Variants in CELF2 observed in about 807,000 individuals in gnomAD.
The protein encoded by CELF2 is CUGBP Elav-like family member 2.
Under a neutral mutation model 62.6 loss-of-function variants are expected in CELF2, and 8 were observed. That is an observed-to-expected ratio of 0.13 (90% CI 0.07 to 0.23). The LOEUF (loss-of-function observed/expected upper bound fraction) is 0.23, where lower values mean the gene tolerates loss of function less well. Ranked by LOEUF, CELF2 falls within the 10% of genes least tolerant of loss-of-function variation. The pLI, the probability that CELF2 is intolerant of heterozygous loss-of-function variation, is 1.00. For missense variants in CELF2, 333 were observed against 671.0 expected, an observed-to-expected ratio of 0.50 and a Z score of 5.56; for synonymous variants, 258 against 250.0, an observed-to-expected ratio of 1.03 and a Z score of -0.30.
the CELF2 span, among the ~76,000 whole-genome samples, chr10:10,547,521 T>TA: frequency 0.016 from 2,427 of 152,184 alleles, 67 homozygotes; most frequent in African/African-American, 0.056. Context: ...CCTTAAGGTG[T>TA]ATTTAATCAT....
chr10:10,768,046 G>C, the CELF2 span, among the ~76,000 whole-genome samples: 4 of 145,124 alleles, frequency 2.8e-5, no homozygotes, highest in South Asian at 9.1e-4. Context: ...GGCGCCTGTA[G>C]TCCCAGCTGC....
At chr10:10,877,506 G>A (rs141350982) in intron 1 of CELF2, among the ~76,000 whole-genome samples, 2,125 of 152,358 alleles carry the variant, frequency 0.014, 29 homozygotes, top group Middle Eastern at 0.037. Flanking sequence ...CTCCAAAGGA[G>A]AACATCAGAT....
intron 1 of CELF2, among the ~76,000 whole-genome samples, chr10:11,088,874 C>T (rs369530238): frequency 8.6e-4 from 131 of 152,290 alleles, no homozygotes; most frequent in East Asian, 3.1e-3. Context: ...GAGGTGTCCT[C>T]GCTAGCACAT....
At chr10:11,282,406 C>T (rs1007817882) in intron 8 of CELF2, among the ~76,000 whole-genome samples, 12 of 152,146 alleles carry the variant, frequency 7.9e-5, no homozygotes, top group African/African-American at 2.7e-4. Context: ...CCTCTTCATG[C>T]CCGTTTCCTC....
At chr10:10,860,208 G>A (rs2059974195) in intron 1 of CELF2, among the ~76,000 whole-genome samples, 1 of 152,132 alleles carries the variant, frequency 6.6e-6, no homozygotes, top group Non-Finnish European at 1.5e-5. Context: ...CATTGGATCT[G>A]TGCAATATCT....
chr10:11,131,377 G>A lies in CELF2; in HGVS notation c.75-34109G>A, dbSNP rs917643635. 3.9e-5 allele frequency among the ~76,000 whole-genome samples: 6 copies of A among 152,326 alleles called. No homozygotes were observed. In the South Asian group the frequency reaches 1.2e-3, roughly 32 times the overall value. ...GAAAGGTGCCGTGATGTTTCTGTAG[G>A]ACTTCCGCCCAATGGTAAGATCTGG... is the stretch of plus-strand genomic sequence containing the variant. On this transcript the variant is annotated intron_variant, in intron 1 of 12. Transcript: ENST00000633077.
chr10:10,696,277 G>C, the CELF2 span, among the ~76,000 whole-genome samples: 10 of 151,284 alleles, frequency 6.6e-5, no homozygotes, highest in South Asian at 6.4e-4. Context: ...AGGTGTCAGT[G>C]TGCCCCTGCT....
intron 1 of CELF2, among the ~76,000 whole-genome samples, chr10:10,813,355 G>C (rs1250436058): frequency 6.6e-6 from 1 of 152,168 alleles, no homozygotes; most frequent in East Asian, 1.9e-4. Context: ...TTTTGATTTT[G>C]TTTTGTGCTA....
the CELF2 span, among the ~76,000 whole-genome samples, chr10:10,507,592 G>T: frequency 6.6e-6 from 1 of 152,192 alleles, no homozygotes; most frequent in Non-Finnish European, 1.5e-5. Flanking sequence ...GTAGAAAGGG[G>T]AGACACAAAA....
chr10:10,718,623 C>CAAAAAA, the CELF2 span, among the ~76,000 whole-genome samples: 1 of 83,856 alleles, frequency 1.2e-5, no homozygotes, highest in African/African-American at 4.3e-5. Flanking sequence ...GACTCCGTCT[C>CAAAAAA]AAAAAAAAAA....
At chr10:11,033,924 A>G (rs143235931) in intron 1 of CELF2, among the ~76,000 whole-genome samples, 2 of 152,350 alleles carry the variant, frequency 1.3e-5, no homozygotes, top group East Asian at 3.9e-4. Flanking sequence ...ACTTGGAAAC[A>G]ACCTAAACAT....
chr10:10,561,542 G>T, the CELF2 span, among the ~76,000 whole-genome samples: 1 of 152,220 alleles, frequency 6.6e-6, no homozygotes, highest in African/African-American at 2.4e-5. Context: ...AAGACATTAA[G>T]TATCTTGGAT....
chr10:10,887,221 G>A (rs1016351311), intron 1 of CELF2, among the ~76,000 whole-genome samples: 6 of 151,166 alleles, frequency 4.0e-5, no homozygotes, highest in African/African-American at 1.5e-4. Flanking sequence ...ACATCATCCC[G>A]TAAGCATTTC....
intron 1 of CELF2, among the ~76,000 whole-genome samples, chr10:10,831,432 C>G (rs953962660): frequency 2.0e-5 from 3 of 152,228 alleles, no homozygotes; most frequent in Admixed American, 6.5e-5. Context: ...TGAAGGCCCT[C>G]AGCCTAAAGA....
intron 1 of CELF2, among the ~76,000 whole-genome samples, chr10:11,122,340 A>G (rs1195480388): frequency 2.0e-5 from 3 of 152,228 alleles, no homozygotes; most frequent in Non-Finnish European, 4.4e-5. Flanking sequence ...TTAAAATGAT[A>G]GAAACCACTT....
chr10:11,039,511 G>A lies in CELF2; in HGVS notation c.74+21348G>A, dbSNP rs948163161. Among the ~76,000 whole-genome samples the A allele has an allele frequency of 1.3e-5, 2 of 152,182 alleles. No homozygotes were observed. Among genetic ancestry groups the A allele is most frequent in the Admixed American group, 1.3e-4 (2 of 15,280 alleles). ...CAAAGTACCTTAAAACGAGTTCAGAGTTAATTATTTACTTCACAAGACACT... is the reference window on the plus strand; with the variant it reads ...CAAAGTACCTTAAAACGAGTTCAGAATTAATTATTTACTTCACAAGACACT... On this transcript the variant is annotated intron_variant, in intron 1 of 12. Coordinates refer to ENST00000633077, the MANE Select transcript of CELF2 (RefSeq NM_001326342.2). This position sits in a 1 kb window ranked among gnomAD's most constrained non-coding sequence, Gnocchi z 4.1.
chr10:10,842,764 G>A (rs1391570245), intron 1 of CELF2, among the ~76,000 whole-genome samples: 4 of 151,958 alleles, frequency 2.6e-5, no homozygotes, highest in South Asian at 4.1e-4. Flanking sequence ...TTCTTATAAT[G>A]TGTTAATTTG....
chr10:10,505,650 G>T, the CELF2 span, among the ~76,000 whole-genome samples: 1 of 152,158 alleles, frequency 6.6e-6, no homozygotes, highest in African/African-American at 2.4e-5. Flanking sequence ...ACAGCTTGGT[G>T]AGGGTAAAAT....
At chr10:10,492,974 G>A in the CELF2 span, among the ~76,000 whole-genome samples, 7 of 152,212 alleles carry the variant, frequency 4.6e-5, no homozygotes, top group South Asian at 2.1e-4. Flanking sequence ...ACCTCCTGCC[G>A]TGATTGTGAG....
Sources: allele counts gnomAD v4.1 joint callset (sites outside exome capture counted in the v4.1 genomes callset), GRCh38; gene constraint gnomAD v4.1.1; non-coding constraint Gnocchi (gnomAD v3.1); transcripts MANE v1.5; gene names NCBI Gene and HGNC (gene_info 2026-07-23, HGNC 2026-07-21).